Variants in GALNT12 observed in about 807,000 individuals in gnomAD.
GALNT12 encodes polypeptide N-acetylgalactosaminyltransferase 12, also known as UDP-GalNAc:polypeptide N-acetylgalactosaminyltransferase 12.
Under a neutral mutation model 55.5 loss-of-function variants are expected in GALNT12, and 45 were observed. That is an observed-to-expected ratio of 0.81 (90% CI 0.64 to 1.04). GALNT12 has a LOEUF of 1.04. Among genes scored for constraint, GALNT12 ranks in the 50% least tolerant of loss-of-function variants. The probability of loss-of-function intolerance (pLI) is 0.00; values close to 1 mark genes in which losing one functional copy is unlikely to be tolerated. For missense variants in GALNT12, 709 were observed against 754.8 expected (o/e 0.94, Z 0.71); for synonymous variants, 304 against 312.2 (o/e 0.97, Z 0.28).
intron 3 of GALNT12, among the ~76,000 whole-genome samples, chr9:98,829,841 A>G (rs1835951639): frequency 6.6e-6 from 1 of 152,204 alleles, no homozygotes; most frequent in African/African-American, 2.4e-5. Flanking sequence ...TATTGTGAGT[A>G]TATGTACCAC....
intron 3 of GALNT12, among the ~76,000 whole-genome samples, chr9:98,827,855 G>A (rs1234470306): frequency 2.0e-5 from 3 of 152,130 alleles, no homozygotes; most frequent in Admixed American, 6.5e-5. Context: ...ATGTAACCCT[G>A]TTCTCAAGGC....
At chr9:98,846,473 C>T (rs1193277847) in intron 9 of GALNT12, among the ~76,000 whole-genome samples, 1 of 152,144 alleles carries the variant, frequency 6.6e-6, no homozygotes, top group Non-Finnish European at 1.5e-5. Context: ...AATGAGTAAG[C>T]CAAATAGCCC....
chr9:98,844,050 G>C (rs1361450607), intron 7 of GALNT12, 46 bp from the exon 8 acceptor site: 1 of 1,309,874 alleles, frequency 7.6e-7, no homozygotes, highest in Non-Finnish European at 1.1e-6. Flanking sequence ...GCATCTGTTA[G>C]TGTCTATAAA....
intron 4 of GALNT12, 28 bp from the exon 5 acceptor site, chr9:98,835,221 G>A (rs755176189): frequency 2.7e-5 from 39 of 1,463,568 alleles, no homozygotes; most frequent in Non-Finnish European, 3.5e-5. Flanking sequence ...GCTGTCTACA[G>A]TGAAATAAGG....
intron 1 of GALNT12, among the ~76,000 whole-genome samples, chr9:98,808,979 G>C (rs925559953): frequency 3.3e-5 from 5 of 152,188 alleles, no homozygotes; most frequent in African/African-American, 1.2e-4. Flanking sequence ...GCAGCCTGCC[G>C]TGTGCACCAG....
chr9:98,810,320 A>AC (rs1165876823), intron 1 of GALNT12, among the ~76,000 whole-genome samples: 4 of 151,726 alleles, frequency 2.6e-5, no homozygotes, highest in Admixed American at 6.6e-5. Context: ...GAAAAGCCAC[A>AC]CCCCCAGGTC....
At chr9:98,817,057 A>G (rs1355951257) in intron 1 of GALNT12, among the ~76,000 whole-genome samples, 1 of 151,708 alleles carries the variant, frequency 6.6e-6, no homozygotes, top group African/African-American at 2.4e-5. Context: ...TGATCTCCTG[A>G]CCTCGTGATT....
chr9:98,836,696 G>A (rs1836155608), intron 5 of GALNT12, among the ~76,000 whole-genome samples: 1 of 152,166 alleles, frequency 6.6e-6, no homozygotes, highest in Non-Finnish European at 1.5e-5. Context: ...CGAGGTCTCT[G>A]TGGATGCTCC....
At chr9:98,811,648 TG>T (rs1487065480) in intron 1 of GALNT12, among the ~76,000 whole-genome samples, 10 of 151,642 alleles carry the variant, frequency 6.6e-5, no homozygotes. Context: ...GGTCAGGATT[TG>T]GGTGCTGGGA....
At chr9:98,829,280 C>T (rs182945457) in intron 3 of GALNT12, among the ~76,000 whole-genome samples, 1 of 152,042 alleles carries the variant, frequency 6.6e-6, no homozygotes, top group Non-Finnish European at 1.5e-5. Flanking sequence ...CCTCTGCCTC[C>T]CAGGTTCAAG....
intron 1 of GALNT12, 77 bp downstream of exon 1, chr9:98,808,146 G>A (rs1835419617): frequency 7.9e-7 from 1 of 1,265,198 alleles, no homozygotes; most frequent in Non-Finnish European, 1.1e-6. Context: ...CAGTGGCAGG[G>A]CGGGGAGCTG....
At chr9:98,848,852 T>C in intron 9 of GALNT12, 100 bp from the exon 10 acceptor site, 1 of 1,404,126 alleles carries the variant, frequency 7.1e-7, no homozygotes, top group Non-Finnish European at 9.9e-7. Flanking sequence ...AATAAATATT[T>C]CTGAAATGGT....
intron 1 of GALNT12, among the ~76,000 whole-genome samples, chr9:98,821,484 G>A (rs1490783663): frequency 3.5e-4 from 53 of 151,962 alleles, no homozygotes; most frequent in African/African-American, 1.4e-4. Context: ...AATTAGCCGG[G>A]TGTGGTGGCA....
chr9:98,834,514 C>T (rs1007254020), intron 4 of GALNT12, among the ~76,000 whole-genome samples: 2 of 152,226 alleles, frequency 1.3e-5, no homozygotes, highest in African/African-American at 2.4e-5. Flanking sequence ...AGCCGTGGGC[C>T]GTTTCTGGTT....
intron 5 of GALNT12, among the ~76,000 whole-genome samples, chr9:98,835,767 G>A (rs951012072): frequency 1.3e-5 from 2 of 150,610 alleles, no homozygotes; most frequent in South Asian, 2.1e-4. Context: ...ACGGAGTCTC[G>A]CTCTGTCGCC....
intron 7 of GALNT12, among the ~76,000 whole-genome samples, chr9:98,842,325 G>A (rs1039469127): frequency 1.3e-5 from 2 of 151,928 alleles, no homozygotes; most frequent in East Asian, 3.9e-4. Flanking sequence ...TGGGACTACA[G>A]GTGAGCACCA....
intron 5 of GALNT12, 45 bp from the exon 6 acceptor site, chr9:98,836,927 T>G: frequency 6.2e-7 from 1 of 1,600,738 alleles, no homozygotes; most frequent in South Asian, 1.1e-5. Flanking sequence ...GACCCGCAGC[T>G]CATCCCCTGC....
intron 1 of GALNT12, among the ~76,000 whole-genome samples, chr9:98,821,624 C>CAAAAAAAAAAAAAA (rs11467276): frequency 1.6e-4 from 18 of 112,064 alleles, no homozygotes; most frequent in Non-Finnish European, 2.1e-4. Context: ...GACTCCATCT[C>CAAAAAAAAAAAAAA]AAAAAAAAAA....
intron 7 of GALNT12, among the ~76,000 whole-genome samples, chr9:98,841,425 A>C (rs1241041331): frequency 1.3e-5 from 2 of 152,118 alleles, no homozygotes; most frequent in African/African-American, 2.4e-5. Context: ...GGGTTAATGG[A>C]GTATCCCTCA....
Sources: allele counts gnomAD v4.1 joint callset (sites outside exome capture counted in the v4.1 genomes callset), GRCh38; gene constraint gnomAD v4.1.1; transcripts MANE v1.5; gene names NCBI Gene and HGNC (gene_info 2026-07-23, HGNC 2026-07-21).